MCFD2: variants seen among roughly 807,000 people sequenced by gnomAD.
MCFD2 encodes multiple coagulation factor deficiency protein 2.
Under a neutral mutation model 12.8 loss-of-function variants are expected in MCFD2, and 11 were observed. That is an observed-to-expected ratio of 0.86 (90% CI 0.54 to 1.42). The LOEUF (loss-of-function observed/expected upper bound fraction) is 1.42. Among genes scored for constraint, MCFD2 ranks in the 40% most tolerant of loss-of-function variants. MCFD2 has a pLI of 0.00. For synonymous variants in MCFD2, 70 were observed against 68.1 expected (o/e 1.03, Z -0.14); for missense variants, 191 against 178.6 (o/e 1.07, Z -0.40).
intron 1 of MCFD2, among the ~76,000 whole-genome samples, chr2:46,911,717 C>G (rs138280774): frequency 7.3e-5 from 11 of 150,712 alleles, no homozygotes; most frequent in African/African-American, 2.7e-4. Context: ...GTCAGGAGAT[C>G]GAGACCACCC....
At chr2:46,911,322 T>A (rs945943683) in intron 1 of MCFD2, among the ~76,000 whole-genome samples, 4 of 151,734 alleles carry the variant, frequency 2.6e-5, no homozygotes, top group African/African-American at 9.7e-5. Context: ...GAGACAGGGT[T>A]TCACCATCTT....
intron 1 of MCFD2, among the ~76,000 whole-genome samples, chr2:46,914,558 G>T (rs888660782): frequency 3.9e-5 from 6 of 152,082 alleles, no homozygotes; most frequent in Non-Finnish European, 7.4e-5. Context: ...GTTCATCTAG[G>T]GAGCCCAAGG....
intron 1 of MCFD2, 61 bp from the exon 2 acceptor site, chr2:46,909,238 G>T: frequency 6.5e-7 from 1 of 1,548,138 alleles, no homozygotes; most frequent in Non-Finnish European, 8.8e-7. Flanking sequence ...TTCGTTCAGG[G>T]CTTGACATGG....
At chr2:46,918,947 A>C (rs968776941), upstream of MCFD2, among the ~76,000 whole-genome samples, 6 of 152,218 alleles carry the variant, frequency 3.9e-5, no homozygotes, top group Non-Finnish European at 7.3e-5. Context: ...TACCCCATTT[A>C]CTTTGTGTAC....
chr2:46,915,837 T>G, upstream of MCFD2: 2 of 284,910 alleles, frequency 7.0e-6, no homozygotes, highest in Non-Finnish European at 8.9e-6. Flanking sequence ...CGACCTGCCC[T>G]GCGCACGCGC....
chr2:46,941,576 A>G lies in MCFD2; in HGVS notation c.-12T>C, dbSNP rs1479331669. On this transcript the variant is annotated 5_prime_UTR_variant, in exon 1 of 3. Transcript: ENST00000409147. This position sits in a 1 kb window ranked among gnomAD's most constrained non-coding sequence, Gnocchi z 4.2. ...AAGGGCGCGCACGGCTCCTACCTGA[A>G]GGTGGAGAGCGAGCTGGAGCGCTGC... is the stretch of plus-strand genomic sequence containing the variant. The G allele has an allele frequency of 4.5e-6, 7 of 1,557,724 alleles. No individual in the cohort carries two copies. The highest frequency in any genetic ancestry group is 6.1e-6 in the Non-Finnish European group (7 of 1,151,388).
intron 3 of MCFD2, chr2:46,906,005 G>A (rs781282598): frequency 6.4e-6 from 3 of 471,876 alleles, no homozygotes; most frequent in Non-Finnish European, 1.3e-5. Flanking sequence ...AAACAGTGAC[G>A]AATTGGACAA....
intron 1 of MCFD2, among the ~76,000 whole-genome samples, chr2:46,938,943 G>A (rs113640040): frequency 3.3e-5 from 5 of 151,600 alleles, no homozygotes; most frequent in South Asian, 2.1e-4. Context: ...CCTGGGAGGC[G>A]GAGGTTGTTG....
chr2:46,920,829 C>G (rs1669065685), intron 1 of MCFD2, among the ~76,000 whole-genome samples: 1 of 152,040 alleles, frequency 6.6e-6, no homozygotes, highest in South Asian at 2.1e-4. Flanking sequence ...TTGTATTACT[C>G]TCACATTAAA....
At chr2:46,928,606 C>T (rs1026556615) in intron 1 of MCFD2, among the ~76,000 whole-genome samples, 5 of 151,646 alleles carry the variant, frequency 3.3e-5, no homozygotes, top group East Asian at 3.9e-4. Context: ...CCTGTCTCTA[C>T]GAAAAATATA....
chr2:46,938,017 G>A (rs1670066028), intron 1 of MCFD2, among the ~76,000 whole-genome samples: 1 of 152,116 alleles, frequency 6.6e-6, no homozygotes, highest in Admixed American at 6.6e-5. Flanking sequence ...TCTTGAAGCA[G>A]AGGTGATGGG....
chr2:46,922,659 G>T (rs1331915191), intron 1 of MCFD2, among the ~76,000 whole-genome samples: 1 of 151,944 alleles, frequency 6.6e-6, no homozygotes, highest in African/African-American at 2.4e-5. Flanking sequence ...GTGAGAGGTA[G>T]AAACCACTCA....
chr2:46,913,851 T>G (rs905193236), intron 1 of MCFD2: 2 of 153,218 alleles, frequency 1.3e-5, no homozygotes, highest in African/African-American at 4.8e-5. Flanking sequence ...CTCCTACTGG[T>G]TCCATCTGTC....
rs190553267 is a variant in MCFD2 at position 46,940,232 on chromosome 2, G to C, written c.-8+1340C>G. On this transcript the variant is annotated intron_variant, in intron 1 of 2. Coordinates refer to the MCFD2 transcript ENST00000409147. The surrounding 1 kb of genome is among the most constrained non-coding windows in gnomAD (Gnocchi z 4.7). ...GGTGAAGACTCCAGAGGGAGGACGT[G>C]GAGCACCTTCTAACTCTTAGGAGTC... Among the ~76,000 whole-genome samples, 48 of 152,256 alleles carry C rather than the reference G, an allele frequency of 3.2e-4. No homozygotes were observed. The highest frequency in any genetic ancestry group is 3.0e-3 in the Admixed American group (46 of 15,302).
At chr2:46,906,692 T>C (rs775488385) in intron 3 of MCFD2, among the ~76,000 whole-genome samples, 2 of 151,956 alleles carry the variant, frequency 1.3e-5, no homozygotes, top group Admixed American at 6.5e-5. Context: ...ATCACCATGC[T>C]GCCCAGGTTG....
chr2:46,916,127 C>T (rs1572625141), upstream of MCFD2: 5 of 985,550 alleles, frequency 5.1e-6, no homozygotes, highest in Non-Finnish European at 6.0e-6. Flanking sequence ...GGGGCGGACC[C>T]CAAAGCTGGC....
upstream of MCFD2, among the ~76,000 whole-genome samples, chr2:46,917,983 C>T (rs1359997196): frequency 6.6e-6 from 1 of 152,198 alleles, no homozygotes; most frequent in African/African-American, 2.4e-5. Context: ...TATCCACCCT[C>T]CCTATGTGAG....
At chr2:46,924,755 T>G (rs1669297619) in intron 1 of MCFD2, among the ~76,000 whole-genome samples, 1 of 152,174 alleles carries the variant, frequency 6.6e-6, no homozygotes, top group South Asian at 2.1e-4. Context: ...GGCCCTGGAA[T>G]AGCTGGGACT....
chr2:46,927,792 A>G (rs1387119984), intron 1 of MCFD2, among the ~76,000 whole-genome samples: 1 of 151,682 alleles, frequency 6.6e-6, no homozygotes, highest in Admixed American at 6.6e-5. Context: ...CAGCTAAAAT[A>G]TCCTTCAAGA....
Sources: gnomAD v4.1 joint callset for allele counts (sites outside exome capture counted in the v4.1 genomes callset) on GRCh38, gnomAD v4.1.1 for gene constraint, Gnocchi (gnomAD v3.1) non-coding constraint, MANE v1.5 for transcripts, NCBI Gene and HGNC (gene_info 2026-07-23, HGNC 2026-07-21) for gene names.